COMMD10: variants seen among roughly 807,000 people sequenced by gnomAD.
COMMD10 encodes the protein COMM domain-containing protein 10.
In COMMD10, 33 loss-of-function variants were observed where a neutral mutation model predicts 28.9. The observed-to-expected ratio is 1.14, with a 90% CI of 0.87 to 1.53. The LOEUF (loss-of-function observed/expected upper bound fraction) is 1.53. Among genes scored for constraint, COMMD10 ranks in the 40% most tolerant of loss-of-function variants. The probability of loss-of-function intolerance (pLI) is 0.00; values close to 1 mark genes in which losing one functional copy is unlikely to be tolerated. For missense variants in COMMD10, 310 were observed against 233.4 expected, an observed-to-expected ratio of 1.33 and a Z score of -2.14; for synonymous variants, 110 against 81.7, an observed-to-expected ratio of 1.35 and a Z score of -1.87.
chr5:116,151,847 T>G (rs955594465), intron 5 of COMMD10, among the ~76,000 whole-genome samples: 4 of 152,192 alleles, frequency 2.6e-5, no homozygotes, highest in Non-Finnish European at 4.4e-5. Flanking sequence ...TTTTTGTGTC[T>G]GTATTTCCTT....
chr5:116,109,939 G>T (rs1015801570), intron 4 of COMMD10, among the ~76,000 whole-genome samples: 22 of 152,172 alleles, frequency 1.4e-4, no homozygotes, highest in Non-Finnish European at 2.6e-4. Context: ...GGGCATCCTT[G>T]TCTTGTCCAA....
intron 5 of COMMD10, among the ~76,000 whole-genome samples, chr5:116,147,778 A>G (rs1752394922): frequency 6.6e-6 from 1 of 151,956 alleles, no homozygotes; most frequent in Non-Finnish European, 1.5e-5. Context: ...CAAGTAATTT[A>G]CATTGAGGAA....
intron 4 of COMMD10, among the ~76,000 whole-genome samples, chr5:116,115,885 C>G (rs1358001632): frequency 2.0e-5 from 3 of 152,100 alleles, no homozygotes; most frequent in African/African-American, 7.2e-5. Context: ...TTCTGAGTAT[C>G]TTGCTCTTTA....
At chr5:116,270,444 A>G (rs1294248686) in intron 5 of COMMD10, among the ~76,000 whole-genome samples, 2 of 151,874 alleles carry the variant, frequency 1.3e-5, no homozygotes, top group African/African-American at 4.9e-5. Flanking sequence ...TCTTTTGTAG[A>G]GAGTAGCATT....
At position 116,215,023 on chromosome 5, in the gene COMMD10, T is replaced by C. The variant is rs556500682; in HGVS notation, c.511-76494T>C. Among the ~76,000 whole-genome samples the C allele has an allele frequency of 2.0e-5, 3 of 152,250 alleles. No homozygotes were observed. The South Asian group carries it at 6.2e-4, about 32-fold the overall frequency. ...CTATGCAAATAGAGGATTTTCATTT[T>C]TTCTTAATAGTTTGTGGTGTTTTTC... On this transcript the variant is annotated intron_variant, in intron 5 of 6. Transcript: ENST00000274458.
At chr5:116,106,591 G>A (rs1580449167) in intron 4 of COMMD10, among the ~76,000 whole-genome samples, 1 of 152,128 alleles carries the variant, frequency 6.6e-6, no homozygotes, top group African/African-American at 2.4e-5. Context: ...GGGTGTTAAA[G>A]TCTCTCACTA....
chr5:116,125,629 A>G (rs1398156910), intron 4 of COMMD10, among the ~76,000 whole-genome samples: 1 of 152,116 alleles, frequency 6.6e-6, no homozygotes, highest in Non-Finnish European at 1.5e-5. Flanking sequence ...CTCCTGGATA[A>G]TATCCTGCAG....
chr5:116,197,692 A>G (rs1748564264), intron 5 of COMMD10, among the ~76,000 whole-genome samples: 1 of 151,850 alleles, frequency 6.6e-6, no homozygotes, highest in South Asian at 2.1e-4. Context: ...CCAGATTTTT[A>G]TTGTCTTTGA....
At chr5:116,275,822 G>T (rs1750894731) in intron 5 of COMMD10, among the ~76,000 whole-genome samples, 1 of 151,492 alleles carries the variant, frequency 6.6e-6, no homozygotes, top group Admixed American at 6.6e-5. Flanking sequence ...AACTGCTAAT[G>T]GCCAGATTTG....
intron 4 of COMMD10, among the ~76,000 whole-genome samples, chr5:116,119,378 A>T (rs1751347181): frequency 6.6e-6 from 1 of 152,230 alleles, no homozygotes; most frequent in African/African-American, 2.4e-5. Context: ...TTAAAAGTAC[A>T]GAGTGCCAAA....
chr5:116,113,231 T>C (rs568817271), intron 4 of COMMD10, among the ~76,000 whole-genome samples: 18 of 152,120 alleles, frequency 1.2e-4, no homozygotes, highest in Non-Finnish European at 2.4e-4. Flanking sequence ...TTTCTCTTGA[T>C]TGTAGAATTT....
At chr5:116,181,845 C>A (rs115718519) in intron 5 of COMMD10, among the ~76,000 whole-genome samples, 2,419 of 152,142 alleles carry the variant, frequency 0.016, 65 homozygotes, top group African/African-American at 0.056. Flanking sequence ...TTTAAACTTG[C>A]TACTATATTC....
intron 5 of COMMD10, among the ~76,000 whole-genome samples, chr5:116,200,609 G>C (rs144003437): frequency 6.6e-6 from 1 of 151,006 alleles, no homozygotes; most frequent in African/African-American, 2.4e-5. Flanking sequence ...TTTTTGTTTT[G>C]TTTTGTTTTG....
intron 5 of COMMD10, among the ~76,000 whole-genome samples, chr5:116,253,112 T>C (rs1750169316): frequency 1.0e-4 from 9 of 86,608 alleles, no homozygotes; most frequent in African/African-American, 2.7e-4. Flanking sequence ...GTTATTGGTG[T>C]ATAAGAATGC....
At chr5:116,165,052 T>C (rs142754853) in intron 5 of COMMD10, among the ~76,000 whole-genome samples, 3 of 152,328 alleles carry the variant, frequency 2.0e-5, no homozygotes, top group African/African-American at 4.8e-5. Flanking sequence ...TTTAAACTTA[T>C]TTAAGTAAAG....
In COMMD10 at chr5:116,125,640, A is replaced by C. The variant is rs550405109; in HGVS notation, c.400-8428A>C. On this transcript the variant is annotated intron_variant, in intron 4 of 6. Coordinates refer to ENST00000274458, the MANE Select transcript of COMMD10 (RefSeq NM_016144.4). ...AGTTCTCCTGGATAATATCCTGCAG[A>C]GTGTTTTCCAACTTGGTTCCATTCT... 1.7e-3 allele frequency among the ~76,000 whole-genome samples: 265 copies of C among 152,112 alleles called. 1 individual carries two copies. Among genetic ancestry groups the C allele is most frequent in the African/African-American group, 6.0e-3 (249 of 41,458 alleles).
At chr5:116,225,868 T>A (rs1352408070) in intron 5 of COMMD10, among the ~76,000 whole-genome samples, 1 of 152,092 alleles carries the variant, frequency 6.6e-6, no homozygotes, top group Non-Finnish European at 1.5e-5. Flanking sequence ...CTTGCTCATG[T>A]GTAAATTTTG....
At chr5:116,219,830 T>C (rs1749199244) in intron 5 of COMMD10, among the ~76,000 whole-genome samples, 1 of 152,254 alleles carries the variant, frequency 6.6e-6, no homozygotes, top group Non-Finnish European at 1.5e-5. Flanking sequence ...ATGTTTGCTT[T>C]CTAATTTGTG....
intron 5 of COMMD10, among the ~76,000 whole-genome samples, chr5:116,225,353 G>GTTTTTTTTTTTTTTTTTTTTTTTTTTTTT (rs143964154): frequency 1.7e-5 from 2 of 116,512 alleles, no homozygotes; most frequent in African/African-American, 3.4e-5. Context: ...TTTTTTTGGG[G>GTTTTTTTTTTTTTTTTTTTTTTTTTTTTT]ATTTTTTTTT....
Sources: allele counts gnomAD v4.1 joint callset (sites outside exome capture counted in the v4.1 genomes callset), GRCh38; gene constraint gnomAD v4.1.1; transcripts MANE v1.5; gene names NCBI Gene and HGNC (gene_info 2026-07-23, HGNC 2026-07-21).